EMILIN2: variants seen among roughly 807,000 people sequenced by gnomAD.
EMILIN2 encodes elastin microfibril interfacer 2.
Under a neutral mutation model 87.1 loss-of-function variants are expected in EMILIN2, and 71 were observed. The ratio of observed to expected loss-of-function variants is 0.82; its 90% CI spans 0.67 to 0.99. EMILIN2 has a LOEUF of 0.99. EMILIN2 is among the 50% of genes least tolerant of loss of function. EMILIN2 has a pLI of 0.00. For synonymous variants in EMILIN2, 581 were observed against 563.4 expected (o/e 1.03, Z -0.44); for missense variants, 1,407 against 1,371.8 (o/e 1.03, Z -0.40).
intron 2 of EMILIN2, among the ~76,000 whole-genome samples, chr18:2,857,019 G>T (rs1050508192): frequency 2.0e-5 from 3 of 152,106 alleles, no homozygotes; most frequent in Non-Finnish European, 4.4e-5. Context: ...CCAAATTCCT[G>T]GTTCGAAAAT....
In EMILIN2 at chr18:2,913,422, C is replaced by T; in HGVS notation, c.*18C>T. 6.5e-7 allele frequency: 1 copy of T among 1,540,894 alleles called. No homozygotes were observed. The highest frequency in any genetic ancestry group is 8.8e-7 in the Non-Finnish European group (1 of 1,140,028). On this transcript the variant is annotated 3_prime_UTR_variant, in exon 8 of 8. Transcript: ENST00000254528. ...ACCTCTAAGGTGGCTGGGGAGATGT[C>T]AGGGGAAAGATAGATAGTTGTAAAA...
At position 2,913,470 on chromosome 18, in the gene EMILIN2, G is replaced by A. The variant is rs1266440237; in HGVS notation, c.*66G>A. On this transcript the variant is annotated 3_prime_UTR_variant, in exon 8 of 8. Coordinates refer to ENST00000254528, the MANE Select transcript of EMILIN2 (RefSeq NM_032048.3). ...AAAACTCTAAAGCTTTAATATATTC[G>A]GTTTGTATGTAATGGAAGCACGGGG... is the stretch of plus-strand genomic sequence containing the variant. The A allele has an allele frequency of 9.0e-6, 12 of 1,326,172 alleles. No homozygotes were observed. In the East Asian group the frequency reaches 1.4e-4, roughly 16 times the overall value. 82.2% of individuals were successfully genotyped at this position (1,326,172 alleles called of 1,614,324 possible).
chr18:2,891,937 C>T lies in EMILIN2; in HGVS notation c.1810C>T (p.Leu604Phe), dbSNP rs2076839818. Residue 604 changes from leucine to phenylalanine, a missense_variant, in exon 4 of 8, where the codon CTT becomes TTT. Physicochemically the swap from Leu to Phe is conservative, Grantham distance 22. Transcript: ENST00000254528. The surrounding 1 kb of genome is among the most constrained non-coding windows in gnomAD (Gnocchi z 4.6). ...FQETEQTIQKLQQDFSFLYSQ... is the reference protein window; with the variant it reads ...FQETEQTIQKFQQDFSFLYSQ... ...AGAAACCGAACAAACCATCCAGAAACTTCAACAGGATTTTAGTTTTCTTTA... is the reference window on the plus strand; with the variant it reads ...AGAAACCGAACAAACCATCCAGAAATTTCAACAGGATTTTAGTTTTCTTTA... 6.8e-6 allele frequency: 11 copies of T among 1,614,196 alleles called. No individual in the cohort carries two copies. The Middle Eastern group carries it at 1.6e-3, about 242-fold the overall frequency.
chr18:2,894,370 C>T lies in EMILIN2; in HGVS notation c.2359+1884C>T, dbSNP rs908090820. Among the ~76,000 whole-genome samples, 1 of 152,198 alleles carries T rather than the reference C, an allele frequency of 6.6e-6. No individual in the cohort carries two copies. Among genetic ancestry groups the T allele is most frequent in the African/African-American group, 2.4e-5 (1 of 41,444 alleles). ...ATCTGGCCGCCACCCGAGTGTCCAG[C>T]CCACTGCACCTCACTATTTATAACC... On this transcript the variant is annotated intron_variant, in intron 4 of 7. Coordinates refer to ENST00000254528, the MANE Select transcript of EMILIN2 (RefSeq NM_032048.3). The surrounding 1 kb of genome is among the most constrained non-coding windows in gnomAD (Gnocchi z 5.0).
At chr18:2,897,917 G>A (rs1017053275) in intron 4 of EMILIN2, among the ~76,000 whole-genome samples, 1 of 151,082 alleles carries the variant, frequency 6.6e-6, no homozygotes, top group African/African-American at 2.4e-5. Context: ...ACAGCTTCAT[G>A]TATCTCGTGT....
rs763455124 is a variant in EMILIN2 at position 2,913,123 on chromosome 18, G to T, written c.2881G>T (p.Glu961Ter). ...CCTGATCACGGCCACCCTCACCCCC[G>T]AGAGAGACGCCTACGTGGAAGCAGT... is the stretch of plus-strand genomic sequence containing the variant. ...RYLITATLTP[E>*]RDAYVEAVLS... The change falls in exon 8 of 8, where the codon GAG (glutamate) becomes TAG (stop). Residue 961 changes from glutamate (E) to a stop codon, truncating the protein, a stop_gained. Coordinates refer to ENST00000254528, the MANE Select transcript of EMILIN2 (RefSeq NM_032048.3). LOFTEE classifies it high-confidence loss of function. 1.5e-5 allele frequency: 24 copies of T among 1,613,500 alleles called. No individual in the cohort carries two copies. The highest frequency in any genetic ancestry group is 1.6e-5 in the Non-Finnish European group (19 of 1,180,000).
At chr18:2,854,332 G>GA in intron 2 of EMILIN2, among the ~76,000 whole-genome samples, 1 of 152,322 alleles carries the variant, frequency 6.6e-6, no homozygotes. Flanking sequence ...GTGCTGCTGA[G>GA]ATAAGGCCTG....
chr18:2,889,285 C>A (rs565709576), intron 3 of EMILIN2, among the ~76,000 whole-genome samples: 157 of 151,710 alleles, frequency 1.0e-3, no homozygotes, highest in African/African-American at 2.1e-3. Flanking sequence ...TTACAGGCAC[C>A]AGCCACCACA....
intron 2 of EMILIN2, among the ~76,000 whole-genome samples, chr18:2,868,434 A>G (rs978087686): frequency 1.3e-5 from 2 of 152,152 alleles, no homozygotes; most frequent in Admixed American, 6.5e-5. Context: ...GCTCTTTGGG[A>G]GGCCAAGGCA....
At chr18:2,858,583 G>GTGTGTGTGTGTGTATATATA (rs1180735843) in intron 2 of EMILIN2, among the ~76,000 whole-genome samples, 3 of 63,058 alleles carry the variant, frequency 4.8e-5, no homozygotes, top group African/African-American at 2.8e-4. Flanking sequence ...GTGTGTGTGT[G>GTGTGTGTGTGTGTATATATA]TATATATATA....
chr18:2,910,911 G>A (rs2076937579), intron 7 of EMILIN2, among the ~76,000 whole-genome samples: 1 of 152,226 alleles, frequency 6.6e-6, no homozygotes, highest in African/African-American at 2.4e-5. Flanking sequence ...GTCAGGGCGA[G>A]AGGGAACGCC....
intron 2 of EMILIN2, among the ~76,000 whole-genome samples, chr18:2,855,451 T>C (rs2076622099): frequency 6.6e-6 from 1 of 152,168 alleles, no homozygotes; most frequent in Admixed American, 6.5e-5. Flanking sequence ...CAAATAGGGG[T>C]AATGGCCTTA....
chr18:2,856,646 C>G (rs1461875872), intron 2 of EMILIN2, among the ~76,000 whole-genome samples: 17 of 152,172 alleles, frequency 1.1e-4, no homozygotes. Flanking sequence ...GCGGGGAAAC[C>G]GTACCAGTGG....
chr18:2,906,957 T>G lies in EMILIN2; in HGVS notation c.2534T>G (p.Ile845Ser), dbSNP rs1265905986. Residue 845 changes from isoleucine to serine, a missense_variant, in exon 5 of 8, where the codon ATC (isoleucine) becomes AGC (serine). Coordinates refer to ENST00000254528, the MANE Select transcript of EMILIN2 (RefSeq NM_032048.3). ...CAGCCGCCAGGCTCCACCGGGGTCA[T>G]CGCGGAGACGGGCCAGGCCGGGCCC... The part of the protein sequence containing the change: ...PPQPPGSTGV[I>S]AETGQAGPPA... 1 of 1,404,994 alleles carries G rather than the reference T, an allele frequency of 7.1e-7. No homozygotes were observed. The highest frequency in any genetic ancestry group is 2.6e-5 in the Admixed American group (1 of 37,754). 87.0% of individuals were successfully genotyped at this position (1,404,994 alleles called of 1,614,324 possible). A position where few individuals can be genotyped will look rare whatever the true frequency, so the allele number is the denominator to read the frequency against.
intron 2 of EMILIN2, among the ~76,000 whole-genome samples, chr18:2,864,818 A>G (rs1335798610): frequency 6.6e-6 from 1 of 152,074 alleles, no homozygotes; most frequent in East Asian, 1.9e-4. Context: ...GTGTTTTCCA[A>G]CTTGGTTCCA....
Position 2,913,217 on chromosome 18 carries a change from A to T in EMILIN2, c.2975A>T (p.Tyr992Phe). ...TAGYRREFLE[Y>F]HRPPGALHTC... ...GGGTACAGGAGAGAGTTCCTGGAATACCACCGCCCTCCAGGAGCTTTGCAT... is the reference window on the plus strand; with the variant it reads ...GGGTACAGGAGAGAGTTCCTGGAATTCCACCGCCCTCCAGGAGCTTTGCAT... Residue 992 changes from tyrosine to phenylalanine, a missense_variant, in exon 8 of 8, where the codon TAC becomes TTC. By Grantham distance (22) the Tyr-to-Phe change is conservative (BLOSUM62 3). Coordinates refer to ENST00000254528, the MANE Select transcript of EMILIN2 (RefSeq NM_032048.3). The T allele has an allele frequency of 4.3e-6, 7 of 1,613,914 alleles. No homozygotes were observed. The highest frequency in any genetic ancestry group is 5.9e-6 in the Non-Finnish European group (7 of 1,180,006).
At chr18:2,897,899 C>T (rs530550242) in intron 4 of EMILIN2, among the ~76,000 whole-genome samples, 23 of 150,932 alleles carry the variant, frequency 1.5e-4, no homozygotes, top group Admixed American at 8.6e-4. Flanking sequence ...TCTCCCTTTT[C>T]AGCATTCACA....
Position 2,853,103 on chromosome 18 carries a change from C to T in EMILIN2, c.257+5172C>T, listed in dbSNP as rs1300200520. 3.3e-5 allele frequency among the ~76,000 whole-genome samples: 5 copies of T among 152,302 alleles called. No homozygotes were observed. In the East Asian group the frequency reaches 9.6e-4, roughly 29 times the overall value. ...AGGGACCTGTGGACTCTAAATAACACCTAGCTGCATGCTAGGCATTTACCA... is the reference window on the plus strand; with the variant it reads ...AGGGACCTGTGGACTCTAAATAACATCTAGCTGCATGCTAGGCATTTACCA... On this transcript the variant is annotated intron_variant, in intron 2 of 7. Transcript: ENST00000254528.
chr18:2,851,275 A>T (rs1354371388), intron 2 of EMILIN2, among the ~76,000 whole-genome samples: 3 of 137,318 alleles, frequency 2.2e-5, no homozygotes, highest in Non-Finnish European at 4.6e-5. Flanking sequence ...CTATCACTAT[A>T]AAAAAAAAAA....
Sources: gnomAD v4.1 joint callset for allele counts (sites outside exome capture counted in the v4.1 genomes callset) on GRCh38, gnomAD v4.1.1 for gene constraint, Gnocchi (gnomAD v3.1) non-coding constraint, MANE v1.5 for transcripts, NCBI Gene and HGNC (gene_info 2026-07-23, HGNC 2026-07-21) for gene names.